SLC25A48: variants seen among roughly 807,000 people sequenced by gnomAD.
The protein encoded by SLC25A48 is solute carrier family 25 member 48, also known as CTC-321K16.1.
Under a neutral mutation model 32.2 loss-of-function variants are expected in SLC25A48, and 29 were observed. The ratio of observed to expected loss-of-function variants is 0.90; its 90% CI spans 0.67 to 1.23. The LOEUF is 1.23. Ranked by LOEUF, SLC25A48 falls within the 50% of genes most tolerant of loss-of-function variation. SLC25A48 has a pLI of 0.00. For synonymous variants in SLC25A48, 164 were observed against 172.3 expected (o/e 0.95, Z 0.38); for missense variants, 399 against 422.7 (o/e 0.94, Z 0.49).
At chr5:135,745,598 T>C (rs978247650) in intron 3 of SLC25A48, among the ~76,000 whole-genome samples, 1 of 152,192 alleles carries the variant, frequency 6.6e-6, no homozygotes, top group Non-Finnish European at 1.5e-5. Context: ...GCCTCCTGCT[T>C]TTTAAGGTCC....
chr5:135,851,391 T>C (rs1285353135), intron 3 of SLC25A48, among the ~76,000 whole-genome samples: 2 of 152,196 alleles, frequency 1.3e-5, no homozygotes, highest in African/African-American at 4.8e-5. Context: ...TGAAAGCGGC[T>C]GTTGATTCTC....
chr5:135,592,933 G>A (rs894263714), intron 1 of SLC25A48, among the ~76,000 whole-genome samples: 2 of 152,156 alleles, frequency 1.3e-5, no homozygotes, highest in African/African-American at 4.8e-5. Context: ...GAGAGACAGA[G>A]ACGCTTGGTA....
At chr5:135,830,252 G>A (rs1758168636), upstream of SLC25A48, among the ~76,000 whole-genome samples, 3 of 152,342 alleles carry the variant, frequency 2.0e-5, no homozygotes, top group African/African-American at 7.2e-5. Context: ...TTCCGCCCGA[G>A]AGCCTCAAGC....
In SLC25A48 at chr5:135,874,180, T is replaced by C; in HGVS notation, c.813+26T>C. On this transcript the variant is annotated intron_variant, in intron 6 of 7. Transcript: ENST00000681962. ...GTAAGCCCACAGCAGGCCTGCGGGG[T>C]CAGTGTCAGTCCCTGGAAGGTGGTT... The C allele has an allele frequency of 2.1e-6, 3 of 1,416,050 alleles. No individual in the cohort carries two copies. In the South Asian group the frequency reaches 4.8e-5, roughly 23 times the overall value. The allele number at this position is 1,416,050 out of a possible 1,614,324, so 87.7% of individuals were successfully genotyped here. A position where few individuals can be genotyped will look rare whatever the true frequency, so the allele number is the denominator to read the frequency against.
At chr5:135,685,023 G>A (rs1753985336) in intron 3 of SLC25A48, among the ~76,000 whole-genome samples, 1 of 152,172 alleles carries the variant, frequency 6.6e-6, no homozygotes, top group Non-Finnish European at 1.5e-5. Context: ...ACTCTCACGA[G>A]CAGTGTATGA....
At chr5:135,757,773 TATA>T (rs1755954574) in intron 3 of SLC25A48, among the ~76,000 whole-genome samples, 1 of 147,360 alleles carries the variant, frequency 6.8e-6, no homozygotes. Context: ...AGATTATATT[TATA>T]ATGTGTTATT....
chr5:135,852,454 C>G, intron 3 of SLC25A48, 109 bp from the exon 4 acceptor site: 1 of 1,366,066 alleles, frequency 7.3e-7, no homozygotes, highest in Non-Finnish European at 1.0e-6. Context: ...CTTCCCCTCT[C>G]TTCATGGACA....
chr5:135,606,867 T>A (rs1180970858), intron 1 of SLC25A48, among the ~76,000 whole-genome samples: 1 of 152,228 alleles, frequency 6.6e-6, no homozygotes, highest in Non-Finnish European at 1.5e-5. Flanking sequence ...GCTTTTATAG[T>A]TCAGAGGAGC....
At chr5:135,881,172 G>A (rs442281) in intron 7 of SLC25A48, among the ~76,000 whole-genome samples, 36,246 of 152,042 alleles carry the variant, frequency 0.24, 5,275 homozygotes, top group African/African-American at 0.4. Context: ...CCGGCTACCT[G>A]CAAAGCTCAG....
intron 3 of SLC25A48, among the ~76,000 whole-genome samples, chr5:135,752,158 T>TA (rs891050196): frequency 3.3e-5 from 5 of 152,042 alleles, no homozygotes; most frequent in Non-Finnish European, 7.4e-5. Context: ...ACACAATACA[T>TA]AAAAAAAGAA....
chr5:135,762,982 A>G (rs1756100863), intron 3 of SLC25A48, among the ~76,000 whole-genome samples: 1 of 151,860 alleles, frequency 6.6e-6, no homozygotes, highest in Non-Finnish European at 1.5e-5. Context: ...GTGCATGTGT[A>G]TATGTGAACG....
intron 3 of SLC25A48, chr5:135,746,139 T>C (rs1374594019): frequency 1.3e-5 from 2 of 153,112 alleles, no homozygotes; most frequent in Non-Finnish European, 2.9e-5. Context: ...CCGTATACAA[T>C]ACCTTCTAGC....
intron 3 of SLC25A48, among the ~76,000 whole-genome samples, chr5:135,768,959 T>C (rs1239000860): frequency 6.6e-6 from 1 of 151,726 alleles, no homozygotes; most frequent in Admixed American, 6.6e-5. Flanking sequence ...GTTCGTAATA[T>C]TCATAGGGGG....
chr5:135,842,348 C>T, intron 1 of SLC25A48, 68 bp from the exon 2 acceptor site: 1 of 1,551,812 alleles, frequency 6.4e-7, no homozygotes, highest in Non-Finnish European at 8.9e-7. Context: ...TGTTTTGTCC[C>T]AAGAGCTGGC....
intron 4 of SLC25A48, among the ~76,000 whole-genome samples, chr5:135,856,682 C>G (rs936473762): frequency 5.3e-5 from 8 of 152,218 alleles, no homozygotes; most frequent in African/African-American, 1.7e-4. Context: ...TCACCTTCAT[C>G]TTCAGCATAT....
At chr5:135,753,709 C>T (rs977286334) in intron 3 of SLC25A48, among the ~76,000 whole-genome samples, 1 of 151,716 alleles carries the variant, frequency 6.6e-6, no homozygotes, top group Non-Finnish European at 1.5e-5. Context: ...TGTACATCCA[C>T]TATGATATTA....
At chr5:135,614,616 T>A (rs1752145242) in intron 1 of SLC25A48, among the ~76,000 whole-genome samples, 1 of 152,280 alleles carries the variant, frequency 6.6e-6, no homozygotes, top group South Asian at 2.1e-4. Context: ...TTTTATTAAA[T>A]TATTTTCCTT....
chr5:135,635,932 G>A (rs923483594), intron 3 of SLC25A48, among the ~76,000 whole-genome samples: 11 of 152,232 alleles, frequency 7.2e-5, no homozygotes, highest in South Asian at 6.2e-4. Flanking sequence ...AGTCCATCCC[G>A]AAGCAAATGT....
chr5:135,740,158 A>ATG (rs1215359151), intron 3 of SLC25A48, among the ~76,000 whole-genome samples: 1 of 151,846 alleles, frequency 6.6e-6, no homozygotes, highest in Non-Finnish European at 1.5e-5. Flanking sequence ...ACAAGTATAT[A>ATG]TGTGTGTGTG....
Sources: allele counts gnomAD v4.1 joint callset (sites outside exome capture counted in the v4.1 genomes callset), GRCh38; gene constraint gnomAD v4.1.1; transcripts MANE v1.5; gene names NCBI Gene and HGNC (gene_info 2026-07-23, HGNC 2026-07-21).